GRIN2B: variants seen among roughly 807,000 people sequenced by gnomAD.
GRIN2B encodes the protein glutamate ionotropic receptor NMDA type subunit 2B.
GRIN2B carries 5 observed loss-of-function variants against 114.5 expected under a neutral mutation model. The observed-to-expected ratio is 0.04, with a 90% confidence interval of 0.02 to 0.09. The LOEUF (loss-of-function observed/expected upper bound fraction) is 0.09. Ranked by LOEUF, GRIN2B falls within the 10% of genes least tolerant of loss-of-function variation. The pLI is 1.00. For synonymous variants in GRIN2B, 787 were observed against 745.1 expected, an observed-to-expected ratio of 1.06 and a Z score of -0.92; for missense variants, 1,108 against 1,943.5, an observed-to-expected ratio of 0.57 and a Z score of 8.08.
chr12:13,926,215 T>C (rs1866908273), intron 2 of GRIN2B, among the ~76,000 whole-genome samples: 1 of 152,172 alleles, frequency 6.6e-6, no homozygotes, highest in African/African-American at 2.4e-5. Context: ...AGGGAACTAC[T>C]AGAATCCAGA....
intron 2 of GRIN2B, among the ~76,000 whole-genome samples, chr12:13,907,684 T>G (rs897537371): frequency 6.6e-6 from 1 of 152,182 alleles, no homozygotes; most frequent in Non-Finnish European, 1.5e-5. Context: ...TTTTATATTT[T>G]TATCTGTTTA....
intron 1 of GRIN2B, among the ~76,000 whole-genome samples, chr12:13,981,125 A>T (rs1863130052): frequency 6.6e-6 from 1 of 151,298 alleles, no homozygotes; most frequent in Non-Finnish European, 1.5e-5. Context: ...AAAAGACCAG[A>T]GACAGCCCTA....
rs200262227 is a variant in GRIN2B, at chr12:13,865,968, T to C, written c.241A>G (p.Ile81Val). ...ATGAGATCACAGATGCGGGTGATGA[T>C]GCTCTTTGGGTCGGTCTCATTCATG... ...VAMNETDPKS[I>V]ITRICDLMSD... The change falls in exon 3 of 14, where the codon ATC (isoleucine) becomes GTC (valine). Residue 81 changes from isoleucine (I) to valine (V), a missense_variant. This residue lies in a region of GRIN2B where 199 missense variants were observed against 439.6 expected (regional missense o/e 0.45). Coordinates refer to ENST00000609686, the MANE Select transcript of GRIN2B (RefSeq NM_000834.5). The C allele has an allele frequency of 3.7e-6, 6 of 1,614,000 alleles. No individual in the cohort carries two copies. The highest frequency in any genetic ancestry group is 5.1e-6 in the Non-Finnish European group (6 of 1,180,002).
chr12:13,670,978 C>A (rs1447056692), intron 5 of GRIN2B, among the ~76,000 whole-genome samples: 2 of 152,090 alleles, frequency 1.3e-5, no homozygotes, highest in Non-Finnish European at 2.9e-5. Context: ...TGTATCAAAT[C>A]TGTAAATGTT....
chr12:13,738,009 A>G (rs1462293128), intron 4 of GRIN2B, among the ~76,000 whole-genome samples: 1 of 152,154 alleles, frequency 6.6e-6, no homozygotes, highest in Non-Finnish European at 1.5e-5. Flanking sequence ...GAACCACAAA[A>G]ATGCCACACA....
intron 4 of GRIN2B, among the ~76,000 whole-genome samples, chr12:13,676,149 TAGACACAGGGAGGGGAACA>T (rs1368792272): frequency 6.6e-6 from 1 of 151,946 alleles, no homozygotes; most frequent in East Asian, 1.9e-4. Context: ...TGTGAACACA[TAGACACAGGGAGGGGAACA>T]AGACACACTG....
rs369472233 is a variant in GRIN2B at position 13,888,364 on chromosome 12, C to T, written c.-18-22138G>A. ...CTGAATACCGTAGGCACTTGTAACA[C>T]GATGGTAAGTATTTGTATATCTAAA... On this transcript the variant is annotated intron_variant, in intron 2 of 13. Transcript: ENST00000609686. 1.2e-4 allele frequency among the ~76,000 whole-genome samples: 18 copies of T among 150,368 alleles called. 1 individual carries two copies. Among genetic ancestry groups the T allele is most frequent in the Admixed American group, 2.7e-4 (4 of 15,046 alleles).
At position 13,564,068 on chromosome 12, in the gene GRIN2B, C is replaced by T. The variant is rs773737239; in HGVS notation, c.3170G>A (p.Arg1057His). 4 of 1,614,048 alleles carry T rather than the reference C, an allele frequency of 2.5e-6. No homozygotes were observed. Among genetic ancestry groups the T allele is most frequent in the Non-Finnish European group, 3.4e-6 (4 of 1,180,030 alleles). The change falls in exon 14 of 14, where the codon CGC becomes CAC. Residue 1057 changes from arginine (R) to histidine (H), a missense_variant. This residue lies in a region of GRIN2B where 19 missense variants were observed against 62.0 expected (regional missense o/e 0.31). Coordinates refer to ENST00000609686, the MANE Select transcript of GRIN2B (RefSeq NM_000834.5). This position sits in a 1 kb window ranked among gnomAD's most constrained non-coding sequence, Gnocchi z 4.8. The stretch of plus-strand genomic sequence containing the variant: ...GGTTGAGATGTCAGAGACATCGGAG[C>T]GGATCAAGTCGTCGTGGCCACTGTA... ...DRYSGHDDLI[R>H]SDVSDISTHT...
At chr12:13,684,438 C>T (rs188792012) in intron 4 of GRIN2B, among the ~76,000 whole-genome samples, 5 of 152,274 alleles carry the variant, frequency 3.3e-5, no homozygotes, top group African/African-American at 1.2e-4. Flanking sequence ...TCTCATTTAG[C>T]TCTACGCACA....
intron 3 of GRIN2B, among the ~76,000 whole-genome samples, chr12:13,826,001 CTTTTT>C (rs1865028608): frequency 6.6e-6 from 1 of 151,410 alleles, no homozygotes; most frequent in Non-Finnish European, 1.5e-5. Flanking sequence ...TATTTGTTTT[CTTTTT>C]TATCTAGTCT....
intron 10 of GRIN2B, among the ~76,000 whole-genome samples, chr12:13,589,054 G>C (rs1179559262): frequency 1.3e-5 from 2 of 151,940 alleles, no homozygotes; most frequent in Non-Finnish European, 2.9e-5. Context: ...TGACATTTTG[G>C]GACATACTTA....
intron 3 of GRIN2B, among the ~76,000 whole-genome samples, chr12:13,849,653 G>T (rs972396696): frequency 6.6e-6 from 1 of 152,136 alleles, no homozygotes; most frequent in Non-Finnish European, 1.5e-5. Context: ...ACAGATGTTA[G>T]AGATGAAAAG....
At chr12:13,586,259 G>A (rs1371173919) in intron 10 of GRIN2B, among the ~76,000 whole-genome samples, 2 of 152,122 alleles carry the variant, frequency 1.3e-5, no homozygotes, top group East Asian at 3.8e-4. Context: ...AGGACATTAT[G>A]TTTACTATGT....
chr12:13,696,974 A>G (rs1265603362), intron 4 of GRIN2B, among the ~76,000 whole-genome samples: 1 of 152,200 alleles, frequency 6.6e-6, no homozygotes, highest in Non-Finnish European at 1.5e-5. Flanking sequence ...AAGTCCTAAC[A>G]AGCAGCAAAA....
intron 3 of GRIN2B, among the ~76,000 whole-genome samples, chr12:13,824,621 G>A (rs183205153): frequency 1.3e-3 from 199 of 152,106 alleles, no homozygotes; most frequent in African/African-American, 4.0e-3. Flanking sequence ...TTGGGAGGCC[G>A]AGGCAGGCGG....
chr12:13,580,841 C>T (rs1260728702), intron 10 of GRIN2B, among the ~76,000 whole-genome samples: 1 of 152,212 alleles, frequency 6.6e-6, no homozygotes, highest in African/African-American at 2.4e-5. Context: ...GTCACACACT[C>T]CCTTTGCTCT....
intron 2 of GRIN2B, among the ~76,000 whole-genome samples, chr12:13,878,486 T>C (rs1866024573): frequency 6.6e-6 from 1 of 152,212 alleles, no homozygotes; most frequent in African/African-American, 2.4e-5. Context: ...GTCCACACCT[T>C]GGTAAATAGC....
Position 13,749,952 on chromosome 12 carries a change from G to A in GRIN2B, c.1010+3365C>T, listed in dbSNP as rs577921202. The stretch of plus-strand genomic sequence containing the variant: ...AAGAAAGACAATGGAGATAAGGGAA[G>A]AATGGAGGTGTATGGACAAGGGAGA... On this transcript the variant is annotated intron_variant, in intron 4 of 13. Transcript: ENST00000609686. Among the ~76,000 whole-genome samples the A allele has an allele frequency of 5.9e-5, 9 of 152,338 alleles. No homozygotes were observed. In the South Asian group the frequency reaches 1.9e-3, roughly 32 times the overall value.
intron 4 of GRIN2B, among the ~76,000 whole-genome samples, chr12:13,740,862 C>G (rs1182934371): frequency 6.6e-6 from 1 of 152,070 alleles, no homozygotes; most frequent in Admixed American, 6.5e-5. Context: ...AAGATCAGAG[C>G]AAGACCAGCA....
Sources: allele counts gnomAD v4.1 joint callset (sites outside exome capture counted in the v4.1 genomes callset), GRCh38; gene constraint gnomAD v4.1.1; regional missense constraint gnomAD v4.1.1; non-coding constraint Gnocchi (gnomAD v3.1); transcripts MANE v1.5; gene names NCBI Gene and HGNC (gene_info 2026-07-23, HGNC 2026-07-21).